ACSF3: variants seen among roughly 807,000 people sequenced by gnomAD.
ACSF3 encodes the protein malonate--CoA ligase ACSF3, mitochondrial.
A neutral mutation model predicts 53.2 loss-of-function variants in ACSF3; 78 were observed. The ratio of observed to expected loss-of-function variants is 1.47; its 90% confidence interval spans 1.22 to 1.77. The LOEUF (loss-of-function observed/expected upper bound fraction) is 1.77. Ranked by LOEUF, ACSF3 falls within the 40% of genes most tolerant of loss-of-function variation. The pLI, the probability that ACSF3 is intolerant of heterozygous loss-of-function variation, is 0.00. For missense variants in ACSF3, 937 were observed against 771.1 expected (o/e 1.22, Z -2.55); for synonymous variants, 414 against 333.1 (o/e 1.24, Z -2.65).
intron 8 of ACSF3, among the ~76,000 whole-genome samples, chr16:89,137,227 G>C (rs1339954369): frequency 2.7e-5 from 4 of 149,534 alleles, no homozygotes; most frequent in Admixed American, 1.3e-4. Context: ...AGAAGAGCCA[G>C]GGATCCCGGG....
intron 6 of ACSF3, among the ~76,000 whole-genome samples, chr16:89,119,499 G>A (rs976340131): frequency 2.6e-5 from 4 of 152,220 alleles, no homozygotes; most frequent in Non-Finnish European, 1.5e-5. Flanking sequence ...GCGGAACACC[G>A]CCGTGCCGCG....
At chr16:89,142,310 G>A (rs766923337) in intron 8 of ACSF3, among the ~76,000 whole-genome samples, 3 of 152,174 alleles carry the variant, frequency 2.0e-5, no homozygotes, top group Non-Finnish European at 4.4e-5. Context: ...CCAGGCCCAG[G>A]CAGGGAGAGA....
Position 89,154,573 on chromosome 16 carries a change from C to A in ACSF3, c.*366C>A, listed in dbSNP as rs1171418321. ...AGGTTTCCCACAAAAAACAAAGACTCCACTGGAGGAAACAAGCCCCTGTCC... is the reference window on the plus strand; with the variant it reads ...AGGTTTCCCACAAAAAACAAAGACTACACTGGAGGAAACAAGCCCCTGTCC... On this transcript the variant is annotated 3_prime_UTR_variant, in exon 11 of 11. Coordinates refer to ENST00000614302, the MANE Select transcript of ACSF3 (RefSeq NM_001243279.3). 6 of 433,464 alleles carry A rather than the reference C, an allele frequency of 1.4e-5. No homozygotes were observed. The highest frequency in any genetic ancestry group is 2.7e-5 in the Non-Finnish European group (6 of 220,312). 26.9% of individuals were successfully genotyped at this position (433,464 alleles called of 1,614,324 possible). A position where few individuals can be genotyped will look rare whatever the true frequency, so the allele number is the denominator to read the frequency against.
intron 10 of ACSF3, chr16:89,151,130 G>T (rs759894011): frequency 6.4e-6 from 6 of 934,752 alleles, no homozygotes; most frequent in South Asian, 5.4e-5. Context: ...GCAGGATGGC[G>T]GCACGGAGGG....
At chr16:89,153,806 C>G (rs1356493629) in intron 10 of ACSF3, 2 of 481,660 alleles carry the variant, frequency 4.2e-6, no homozygotes, top group Non-Finnish European at 7.7e-6. Context: ...CCACTCTGTG[C>G]AGGCCTATCC....
intron 4 of ACSF3, among the ~76,000 whole-genome samples, chr16:89,107,649 T>G (rs893862525): frequency 6.6e-6 from 1 of 152,250 alleles, no homozygotes. Context: ...GTTTTCAGTT[T>G]GTGGCTATTA....
intron 4 of ACSF3, among the ~76,000 whole-genome samples, chr16:89,108,712 A>T (rs1357254667): frequency 6.6e-6 from 1 of 152,188 alleles, no homozygotes; most frequent in Non-Finnish European, 1.5e-5. Flanking sequence ...TACTGTGTGT[A>T]TTAATAACTT....
At chr16:89,123,650 A>G (rs1003339607) in intron 7 of ACSF3, among the ~76,000 whole-genome samples, 1 of 152,198 alleles carries the variant, frequency 6.6e-6, no homozygotes, top group Non-Finnish European at 1.5e-5. Flanking sequence ...TCCTGGGCAG[A>G]TGATCAGCCA....
At chr16:89,094,776 T>C (rs1974418317) in intron 1 of ACSF3, among the ~76,000 whole-genome samples, 1 of 152,178 alleles carries the variant, frequency 6.6e-6, no homozygotes, top group Admixed American at 6.5e-5. Flanking sequence ...ACACCTGCAC[T>C]TCCAGCTACT....
chr16:89,125,563 C>T (rs1296192791), intron 7 of ACSF3, among the ~76,000 whole-genome samples: 3 of 149,064 alleles, frequency 2.0e-5, no homozygotes, highest in Non-Finnish European at 4.5e-5. Flanking sequence ...TGGTGGCACA[C>T]GCCTGTAATC....
chr16:89,102,534 C>G lies in ACSF3; in HGVS notation c.667-70C>G, dbSNP rs544290058. On this transcript the variant is annotated intron_variant, in intron 3 of 10. Coordinates refer to ENST00000614302, the MANE Select transcript of ACSF3 (RefSeq NM_001243279.3). ...GGCCCAGAGCTCCTTTCCGTGAGCCCGAGGTCTGTGTGTGCTGTTGCGGGC... is the reference window on the plus strand; with the variant it reads ...GGCCCAGAGCTCCTTTCCGTGAGCCGGAGGTCTGTGTGTGCTGTTGCGGGC... The G allele has an allele frequency of 1.9e-6, 3 of 1,584,406 alleles. No individual in the cohort carries two copies. The African/African-American group carries it at 4.0e-5, about 21-fold the overall frequency.
rs1914490098 is a variant in ACSF3 at position 89,154,397 on chromosome 16, C to G, written c.*190C>G. 3 of 690,232 alleles carry G rather than the reference C, an allele frequency of 4.3e-6. No individual in the cohort carries two copies. Among genetic ancestry groups the G allele is most frequent in the African/African-American group, 1.8e-5 (1 of 56,846 alleles). The allele number at this position is 690,232 out of a possible 1,614,324, so 42.8% of individuals were successfully genotyped here. A position where few individuals can be genotyped will look rare whatever the true frequency, so the allele number is the denominator to read the frequency against. ...CCCAGCCTCGGGCCAGTTGTTGCAG[C>G]TCAAGGAGACCGTCCCTGGTGTCAC... On this transcript the variant is annotated 3_prime_UTR_variant, in exon 11 of 11. Coordinates refer to ENST00000614302, the MANE Select transcript of ACSF3 (RefSeq NM_001243279.3).
chr16:89,104,610 C>A (rs8057217), intron 4 of ACSF3, among the ~76,000 whole-genome samples: 2 of 152,100 alleles, frequency 1.3e-5, no homozygotes, highest in African/African-American at 4.8e-5. Context: ...CCCACCTTCC[C>A]TCTGCTTCTC....
rs1445273762 is a variant in ACSF3, at chr16:89,155,918, G to A, written c.*1711G>A. ...CTGACAATACTACAAACTACAGAAA[G>A]CCTGGAGCTCATTGACCAGAAACTG... is the stretch of plus-strand genomic sequence containing the variant. On this transcript the variant is annotated 3_prime_UTR_variant, in exon 11 of 11. Coordinates refer to ENST00000614302, the MANE Select transcript of ACSF3 (RefSeq NM_001243279.3). 2.7e-6 allele frequency: 1 copy of A among 371,216 alleles called. No homozygotes were observed. The highest frequency in any genetic ancestry group is 3.4e-5 in the Admixed American group (1 of 29,326). The allele number at this position is 371,216 out of a possible 1,614,324, so 23.0% of individuals were successfully genotyped here.
chr16:89,127,790 A>G (rs1908448051), intron 7 of ACSF3, among the ~76,000 whole-genome samples: 1 of 152,170 alleles, frequency 6.6e-6, no homozygotes, highest in African/African-American at 2.4e-5. Flanking sequence ...GAATTGGTTC[A>G]TTTAATCTGT....
intron 7 of ACSF3, among the ~76,000 whole-genome samples, chr16:89,129,038 G>A (rs1389651598): frequency 6.6e-6 from 1 of 152,124 alleles, no homozygotes; most frequent in African/African-American, 2.4e-5. Context: ...AGGCCGAGGC[G>A]GGAAGATCGC....
At chr16:89,147,210 A>T (rs1218979331) in intron 10 of ACSF3, among the ~76,000 whole-genome samples, 1 of 64,838 alleles carries the variant, frequency 1.5e-5, no homozygotes, top group Non-Finnish European at 2.8e-5. Flanking sequence ...TGAGTGAGAG[A>T]GGAGGGAGGG....
At chr16:89,128,553 C>A (rs145144322) in intron 7 of ACSF3, among the ~76,000 whole-genome samples, 77 of 152,276 alleles carry the variant, frequency 5.1e-4, no homozygotes, top group African/African-American at 1.7e-3. Flanking sequence ...AGCCACCACG[C>A]CTGACCTAAA....
At chr16:89,098,814 G>C (rs770653368) in intron 2 of ACSF3, 51 bp downstream of exon 2, 1 of 454,004 alleles carries the variant, frequency 2.2e-6, no homozygotes, top group Non-Finnish European at 4.4e-6. Context: ...ACAAGTGGTT[G>C]CCTTGTTTGT....
Sources: gnomAD v4.1 joint callset for allele counts (sites outside exome capture counted in the v4.1 genomes callset) on GRCh38, gnomAD v4.1.1 for gene constraint, MANE v1.5 for transcripts, NCBI Gene and HGNC (gene_info 2026-07-23, HGNC 2026-07-21) for gene names.